The following BMPR2 variants were observed in gnomAD, a reference collection of about 807,000 sequenced individuals.
BMPR2 encodes the protein bone morphogenetic protein receptor type-2.
Under a neutral mutation model 100.8 loss-of-function variants are expected in BMPR2, and 29 were observed. The ratio of observed to expected loss-of-function variants is 0.29; its 90% CI spans 0.21 to 0.39. BMPR2 has a LOEUF of 0.39. Ranked by LOEUF, BMPR2 falls within the 10% of genes least tolerant of loss-of-function variation. The probability of loss-of-function intolerance (pLI) is 1.00; values close to 1 mark genes in which losing one functional copy is unlikely to be tolerated. For synonymous variants in BMPR2, 382 were observed against 442.3 expected, an observed-to-expected ratio of 0.86 and a Z score of 1.71; for missense variants, 1,011 against 1,274.5, an observed-to-expected ratio of 0.79 and a Z score of 3.15.
chr2:202,377,582 C>G, intron 1 of BMPR2, 32 bp downstream of exon 1: 3 of 1,611,808 alleles, frequency 1.9e-6, no homozygotes, highest in Non-Finnish European at 2.5e-6. Flanking sequence ...GTCCCGGCCA[C>G]TGCCCCTGCG....
At chr2:202,404,038 T>G (rs980237236) in intron 1 of BMPR2, among the ~76,000 whole-genome samples, 1 of 151,690 alleles carries the variant, frequency 6.6e-6, no homozygotes, top group African/African-American at 2.4e-5. Context: ...TATTAAGGGC[T>G]TTTACTTTCT....
intron 1 of BMPR2, among the ~76,000 whole-genome samples, chr2:202,449,613 C>T (rs1574455407): frequency 6.6e-6 from 1 of 152,178 alleles, no homozygotes; most frequent in East Asian, 1.9e-4. Context: ...ACTTTGGACA[C>T]TGAGTCTCTA....
chr2:202,535,949 C>T (rs1363348823), intron 9 of BMPR2, among the ~76,000 whole-genome samples: 1 of 150,986 alleles, frequency 6.6e-6, no homozygotes, highest in African/African-American at 2.4e-5. Context: ...CGGCGCGTGC[C>T]TGCAATCGCA....
chr2:202,425,431 A>C (rs1018880744), intron 1 of BMPR2, among the ~76,000 whole-genome samples: 8 of 152,246 alleles, frequency 5.3e-5, no homozygotes, highest in African/African-American at 1.9e-4. Flanking sequence ...AAGATTTGGC[A>C]ACATGTGATT....
chr2:202,528,905 A>G (rs1459842018), intron 7 of BMPR2, among the ~76,000 whole-genome samples: 1 of 152,238 alleles, frequency 6.6e-6, no homozygotes, highest in Non-Finnish European at 1.5e-5. Flanking sequence ...CAGCATCTTC[A>G]GATATAACTT....
chr2:202,534,466 C>T (rs575224092), intron 9 of BMPR2, among the ~76,000 whole-genome samples: 16 of 151,866 alleles, frequency 1.1e-4, no homozygotes, highest in South Asian at 1.0e-3. Context: ...TGACTCTTAA[C>T]GAGCATGCTG....
At chr2:202,483,999 C>G (rs1692716209) in intron 3 of BMPR2, among the ~76,000 whole-genome samples, 1 of 152,166 alleles carries the variant, frequency 6.6e-6, no homozygotes, top group Non-Finnish European at 1.5e-5. Flanking sequence ...GAAGCTGAGG[C>G]AGTTGGATCA....
chr2:202,513,325 C>T (rs546930461), intron 3 of BMPR2, among the ~76,000 whole-genome samples: 1 of 152,204 alleles, frequency 6.6e-6, no homozygotes, highest in Non-Finnish European at 1.5e-5. Context: ...CTAAATCTTA[C>T]AGCTAACTTG....
intron 1 of BMPR2, among the ~76,000 whole-genome samples, chr2:202,422,496 C>T (rs564472108): frequency 5.9e-5 from 9 of 151,418 alleles, no homozygotes; most frequent in South Asian, 2.1e-4. Context: ...TTAATAGAGA[C>T]GGGGTTTCAC....
intron 9 of BMPR2, among the ~76,000 whole-genome samples, chr2:202,537,289 A>G (rs998342552): frequency 6.6e-6 from 1 of 152,170 alleles, no homozygotes; most frequent in Non-Finnish European, 1.5e-5. Flanking sequence ...AGCATGTCTG[A>G]CTGAAATGAT....
At chr2:202,388,109 ATTGT>A (rs1690467170) in intron 1 of BMPR2, among the ~76,000 whole-genome samples, 1 of 151,802 alleles carries the variant, frequency 6.6e-6, no homozygotes. Context: ...CTTAAGAATC[ATTGT>A]TTGGCTGTCA....
chr2:202,510,779 C>G (rs988700058), intron 3 of BMPR2, among the ~76,000 whole-genome samples: 2 of 151,904 alleles, frequency 1.3e-5, no homozygotes, highest in Non-Finnish European at 2.9e-5. Flanking sequence ...CTCCTGGGTT[C>G]AAGTGATTCT....
At chr2:202,450,711 A>AAG (rs1691962309) in intron 1 of BMPR2, among the ~76,000 whole-genome samples, 1 of 151,792 alleles carries the variant, frequency 6.6e-6, no homozygotes, top group Non-Finnish European at 1.5e-5. Context: ...AAAAAAAAAA[A>AAG]AGATTTCACC....
chr2:202,387,023 C>T (rs1690443893), intron 1 of BMPR2, among the ~76,000 whole-genome samples: 1 of 152,112 alleles, frequency 6.6e-6, no homozygotes, highest in South Asian at 2.1e-4. Flanking sequence ...CATTTCTTTG[C>T]TTAAAACTAT....
At chr2:202,390,980 C>CTTTTTTTTTTTTT (rs11459505) in intron 1 of BMPR2, among the ~76,000 whole-genome samples, 2 of 51,932 alleles carry the variant, frequency 3.9e-5, no homozygotes, top group African/African-American at 7.5e-5. Flanking sequence ...AGTAAGTAGT[C>CTTTTTTTTTTTTT]TTTTTTTTTT....
intron 3 of BMPR2, among the ~76,000 whole-genome samples, chr2:202,502,972 C>T (rs544873967): frequency 6.6e-6 from 1 of 152,304 alleles, no homozygotes; most frequent in African/African-American, 2.4e-5. Flanking sequence ...GAATCGAGGC[C>T]ATCAAGCTAC....
At chr2:202,387,075 A>G (rs1377540022) in intron 1 of BMPR2, among the ~76,000 whole-genome samples, 1 of 152,204 alleles carries the variant, frequency 6.6e-6, no homozygotes, top group Non-Finnish European at 1.5e-5. Flanking sequence ...CAGTCATTTA[A>G]AATATTGTAC....
intron 1 of BMPR2, among the ~76,000 whole-genome samples, chr2:202,458,718 T>C (rs1692170248): frequency 1.3e-5 from 2 of 152,214 alleles, no homozygotes; most frequent in Non-Finnish European, 2.9e-5. Context: ...TTGCATTCTC[T>C]AACCCAATTT....
chr2:202,417,916 C>T, intron 1 of BMPR2, among the ~76,000 whole-genome samples: 1 of 151,934 alleles, frequency 6.6e-6, no homozygotes. Flanking sequence ...GATAGGGTTT[C>T]ACCGTGTTAG....
Sources: allele counts gnomAD v4.1 joint callset (sites outside exome capture counted in the v4.1 genomes callset), GRCh38; gene constraint gnomAD v4.1.1; transcripts MANE v1.5; gene names NCBI Gene and HGNC (gene_info 2026-07-23, HGNC 2026-07-21).